ANKRD30B: variants seen among roughly 807,000 people sequenced by gnomAD.
The protein encoded by ANKRD30B is ankyrin repeat domain-containing protein 30B.
In ANKRD30B, 144 loss-of-function variants were observed where a neutral mutation model predicts 202.2. The ratio of observed to expected loss-of-function variants is 0.71; its 90% confidence interval spans 0.62 to 0.82. The LOEUF (loss-of-function observed/expected upper bound fraction) is 0.82. Ranked by LOEUF, ANKRD30B falls within the 40% of genes least tolerant of loss-of-function variation. The pLI is 0.00. For missense variants in ANKRD30B, 1,487 were observed against 1,669.1 expected (o/e 0.89, Z 1.90); for synonymous variants, 508 against 561.3 (o/e 0.91, Z 1.34).
At chr18:14,848,954 A>G (rs1971769649) in intron 40 of ANKRD30B, 25 bp downstream of exon 40, 2 of 1,476,078 alleles carry the variant, frequency 1.4e-6, no homozygotes, top group East Asian at 2.4e-5. Flanking sequence ...TTTTAAATAA[A>G]TATTTCAACT....
chr18:14,755,420 T>A (rs9709846), intron 4 of ANKRD30B, among the ~76,000 whole-genome samples: 61,403 of 151,806 alleles, frequency 0.4, 13,178 homozygotes, highest in Non-Finnish European at 0.49. Context: ...TATTATACTT[T>A]TAAGTTTTAG....
At chr18:14,840,881 A>G in intron 37 of ANKRD30B, among the ~76,000 whole-genome samples, 1 of 152,212 alleles carries the variant, frequency 6.6e-6, no homozygotes, top group Non-Finnish European at 1.5e-5. Flanking sequence ...TTATTAGTTT[A>G]AATTCAACAT....
chr18:14,910,488 T>A, the ANKRD30B span, among the ~76,000 whole-genome samples: 1 of 149,906 alleles, frequency 6.7e-6, no homozygotes. Context: ...TGTAAAAATA[T>A]ATATATATAT....
chr18:14,837,556 T>G (rs1971233335), intron 35 of ANKRD30B, 59 bp from the exon 36 acceptor site: 1 of 1,290,236 alleles, frequency 7.8e-7, no homozygotes, highest in African/African-American at 1.6e-5. Context: ...TTGTATATAG[T>G]TTTATGATTT....
chr18:14,912,750 T>C, the ANKRD30B span, among the ~76,000 whole-genome samples: 2 of 152,254 alleles, frequency 1.3e-5, no homozygotes, highest in Non-Finnish European at 2.9e-5. Context: ...GCCCTGGGTT[T>C]CTACTTCTTG....
At position 14,810,646 on chromosome 18, in the gene ANKRD30B, G is replaced by C. The variant is rs1307434663; in HGVS notation, c.2488+466G>C. On this transcript the variant is annotated intron_variant, in intron 28 of 43. Coordinates refer to ENST00000690538, the MANE Select transcript of ANKRD30B (RefSeq NM_001367607.2). Reference sequence around the variant, plus strand: ...GGTGACTGAGTGTGTGTGTGTGTGTGACATATAATTTTTAAAAATCACTAC... The same window carrying C: ...GGTGACTGAGTGTGTGTGTGTGTGTCACATATAATTTTTAAAAATCACTAC... Among the ~76,000 whole-genome samples the C allele has an allele frequency of 2.4e-4, 37 of 151,074 alleles. 2 individuals are homozygous for C. The highest frequency in any genetic ancestry group is 9.0e-4 in the African/African-American group (37 of 40,892).
chr18:14,803,667 A>T, intron 23 of ANKRD30B, 67 bp from the exon 24 acceptor site: 1 of 1,482,272 alleles, frequency 6.7e-7, no homozygotes, highest in Non-Finnish European at 9.2e-7. Context: ...TTTAATTAGG[A>T]ACTTTTGATA....
At chr18:14,870,600 G>A in the ANKRD30B span, among the ~76,000 whole-genome samples, 2 of 152,204 alleles carry the variant, frequency 1.3e-5, no homozygotes, top group East Asian at 3.9e-4. Flanking sequence ...CAGTCACCTG[G>A]CCACCCATTC....
chr18:14,778,103 C>A lies in ANKRD30B; in HGVS notation c.1420+28C>A, dbSNP rs770736189. Reference sequence around the variant, plus strand: ...AAGAACCATTTTTTATTTAAAACATCTTTTGACCAAATGTTTGTCTAAATT... The same window carrying A: ...AAGAACCATTTTTTATTTAAAACATATTTTGACCAAATGTTTGTCTAAATT... On this transcript the variant is annotated intron_variant, in intron 10 of 43. Coordinates refer to ENST00000690538, the MANE Select transcript of ANKRD30B (RefSeq NM_001367607.2). 9 of 1,409,610 alleles carry A rather than the reference C, an allele frequency of 6.4e-6. No individual in the cohort carries two copies. The South Asian group carries it at 1.1e-4, about 18-fold the overall frequency. 87.3% of individuals were successfully genotyped at this position (1,409,610 alleles called of 1,614,324 possible). A position where few individuals can be genotyped will look rare whatever the true frequency, so the allele number is the denominator to read the frequency against.
chr18:14,809,070 TCACAGC>T (rs1261165407), intron 26 of ANKRD30B, among the ~76,000 whole-genome samples: 1 of 147,678 alleles, frequency 6.8e-6, no homozygotes, highest in African/African-American at 2.5e-5. Context: ...TCCAGGGGAA[TCACAGC>T]CTTGTGTTCC....
intron 18 of ANKRD30B, among the ~76,000 whole-genome samples, 177 bp from the exon 19 acceptor site, chr18:14,797,484 G>A (rs1968990486): frequency 6.6e-6 from 1 of 152,084 alleles, no homozygotes; most frequent in Non-Finnish European, 1.5e-5. Context: ...TAGTTTCAGG[G>A]GGTCTCCCTA....
intron 11 of ANKRD30B, among the ~76,000 whole-genome samples, chr18:14,782,137 T>C (rs947012739): frequency 1.3e-5 from 2 of 152,222 alleles, no homozygotes; most frequent in African/African-American, 4.8e-5. Context: ...CCAGCCTGAT[T>C]GAACTCCAAC....
the ANKRD30B span, among the ~76,000 whole-genome samples, chr18:14,936,857 C>T: frequency 1.6e-4 from 25 of 152,310 alleles, no homozygotes; most frequent in Non-Finnish European, 8.8e-5. Context: ...TGGGAGCCAG[C>T]AGCCCTGGGC....
chr18:14,904,383 C>T, the ANKRD30B span, among the ~76,000 whole-genome samples: 1 of 152,180 alleles, frequency 6.6e-6, no homozygotes, highest in Non-Finnish European at 1.5e-5. Context: ...GCTCTGAGTA[C>T]TCCTTGGGGC....
At chr18:14,804,842 G>A (rs1271925370) in intron 24 of ANKRD30B, among the ~76,000 whole-genome samples, 1 of 150,926 alleles carries the variant, frequency 6.6e-6, no homozygotes, top group East Asian at 1.9e-4. Context: ...AAAGAAGAGA[G>A]ATTATGAGGC....
rs1346215742 is a variant in ANKRD30B at position 14,838,299 on chromosome 18, C to T, written c.2988+623C>T. 2.6e-5 allele frequency among the ~76,000 whole-genome samples: 4 copies of T among 152,166 alleles called. No homozygotes were observed. The South Asian group carries it at 6.2e-4, about 24-fold the overall frequency. The stretch of plus-strand genomic sequence containing the variant: ...ATATCTAGATGTACAAAAGCTCTAA[C>T]TGGATTCGAGGAGAAAGAGTTTAAA... On this transcript the variant is annotated intron_variant, in intron 36 of 43. Coordinates refer to ENST00000690538, the MANE Select transcript of ANKRD30B (RefSeq NM_001367607.2).
At chr18:14,769,496 T>A in intron 8 of ANKRD30B, 123 bp downstream of exon 8, 1 of 691,908 alleles carries the variant, frequency 1.4e-6, no homozygotes, top group Non-Finnish European at 2.3e-6. Flanking sequence ...ATATTTATCA[T>A]CTCACATAGT....
At chr18:14,820,788 C>T (rs1970374139) in intron 30 of ANKRD30B, among the ~76,000 whole-genome samples, 1 of 152,138 alleles carries the variant, frequency 6.6e-6, no homozygotes, top group Non-Finnish European at 1.5e-5. Flanking sequence ...AGGATTTTTG[C>T]ATCAATGTTC....
chr18:14,848,853 C>A lies in ANKRD30B; in HGVS notation c.3319C>A (p.Leu1107Met), dbSNP rs761007648. 1.6e-5 allele frequency: 26 copies of A among 1,600,834 alleles called. No individual in the cohort carries two copies. Among genetic ancestry groups the A allele is most frequent in the Non-Finnish European group, 2.1e-5 (25 of 1,174,426 alleles). ...TAAGTTTTGTGTACTACAAAAGGAA[C>A]TGTCAGAAGCGAAAGAAATAAAATC... ...KNKFCVLQKE[L>M]SEAKEIKSQL... Residue 1107 changes from leucine to methionine, a missense_variant, in exon 40 of 44, where the codon CTG (leucine) becomes ATG (methionine). By Grantham distance (15) the Leu-to-Met change is conservative (BLOSUM62 2). Coordinates refer to ENST00000690538, the MANE Select transcript of ANKRD30B (RefSeq NM_001367607.2).
Sources: allele counts gnomAD v4.1 joint callset (sites outside exome capture counted in the v4.1 genomes callset), GRCh38; gene constraint gnomAD v4.1.1; transcripts MANE v1.5; gene names NCBI Gene and HGNC (gene_info 2026-07-23, HGNC 2026-07-21).